ADAD1: variants seen among roughly 807,000 people sequenced by gnomAD.
ADAD1 encodes adenosine deaminase domain containing 1.
In ADAD1, 46 loss-of-function variants were observed where a neutral mutation model predicts 66.8. The ratio of observed to expected loss-of-function variants is 0.69; its 90% CI spans 0.54 to 0.88. The LOEUF (loss-of-function observed/expected upper bound fraction) is 0.88, where lower values mean the gene tolerates loss of function less well. Among genes scored for constraint, ADAD1 ranks in the 40% least tolerant of loss-of-function variants. ADAD1 has a pLI of 0.00. For missense variants in ADAD1, 617 were observed against 681.8 expected, an observed-to-expected ratio of 0.91 and a Z score of 1.06; for synonymous variants, 248 against 229.4, an observed-to-expected ratio of 1.08 and a Z score of -0.73.
At chr4:122,404,988 T>C (rs1198528555) in intron 7 of ADAD1, among the ~76,000 whole-genome samples, 1 of 152,212 alleles carries the variant, frequency 6.6e-6, no homozygotes, top group African/African-American at 2.4e-5. Flanking sequence ...CCCTGAAGCA[T>C]TGCAAGTTGA....
At chr4:122,395,763 C>T (rs929150496) in intron 6 of ADAD1, among the ~76,000 whole-genome samples, 1 of 152,136 alleles carries the variant, frequency 6.6e-6, no homozygotes, top group Non-Finnish European at 1.5e-5. Flanking sequence ...TCCTCCTCCT[C>T]TTTCAAAATT....
intron 3 of ADAD1, 185 bp downstream of exon 3, chr4:122,380,426 G>T (rs1233429648): frequency 6.0e-6 from 4 of 670,210 alleles, no homozygotes; most frequent in South Asian, 4.5e-5. Context: ...TACCTGTGCC[G>T]CTCGTTTAAC....
At chr4:122,395,192 A>G (rs1179025429) in intron 6 of ADAD1, among the ~76,000 whole-genome samples, 3 of 152,020 alleles carry the variant, frequency 2.0e-5, no homozygotes, top group African/African-American at 7.2e-5. Context: ...CTGGGATTAC[A>G]GGCACCCACC....
chr4:122,420,199 A>T (rs927244623), intron 11 of ADAD1, among the ~76,000 whole-genome samples: 2 of 152,232 alleles, frequency 1.3e-5, no homozygotes, highest in African/African-American at 4.8e-5. Flanking sequence ...TGTACACATG[A>T]GTGTATGTTA....
chr4:122,379,730 A>AT (rs899039191), intron 2 of ADAD1: 152 of 172,988 alleles, frequency 8.8e-4, no homozygotes, highest in South Asian at 2.1e-3. Context: ...CTACGAGCTG[A>AT]TTTTTTTTTC....
intron 5 of ADAD1, among the ~76,000 whole-genome samples, chr4:122,391,696 CTTTTTTGTTTGTTTG>C (rs908122034): frequency 6.6e-6 from 1 of 152,136 alleles, no homozygotes; most frequent in African/African-American, 2.4e-5. Context: ...TGGGACTTGT[CTTTTTTGTTTGTTTG>C]TTTTTTGTTT....
intron 8 of ADAD1, 23 bp downstream of exon 8, chr4:122,408,054 G>T (rs1406147083): frequency 1.7e-5 from 27 of 1,594,892 alleles, no homozygotes; most frequent in African/African-American, 2.7e-5. Flanking sequence ...ATATATTAAT[G>T]TTATTAAATA....
At chr4:122,399,603 T>C (rs1377541382) in intron 7 of ADAD1, among the ~76,000 whole-genome samples, 1 of 152,170 alleles carries the variant, frequency 6.6e-6, no homozygotes, top group African/African-American at 2.4e-5. Flanking sequence ...ATATTGATGC[T>C]ACCCATCTTT....
chr4:122,428,687 T>C (rs1026105677), intron 12 of ADAD1, among the ~76,000 whole-genome samples: 1 of 152,196 alleles, frequency 6.6e-6, no homozygotes, highest in Admixed American at 6.5e-5. Context: ...TATGAATTTT[T>C]TAGAAAAAGC....
At chr4:122,400,642 T>C (rs1459358484) in intron 7 of ADAD1, among the ~76,000 whole-genome samples, 2 of 152,132 alleles carry the variant, frequency 1.3e-5, no homozygotes, top group Non-Finnish European at 2.9e-5. Context: ...TGCGAACTTT[T>C]TTGTTGGGAT....
intron 10 of ADAD1, among the ~76,000 whole-genome samples, chr4:122,414,645 G>A (rs929433496): frequency 6.6e-6 from 1 of 152,086 alleles, no homozygotes; most frequent in African/African-American, 2.4e-5. Flanking sequence ...TGTGAAATAT[G>A]TCTAGTGGTT....
chr4:122,402,920 A>G (rs1796043541), intron 7 of ADAD1, among the ~76,000 whole-genome samples: 1 of 151,990 alleles, frequency 6.6e-6, no homozygotes, highest in Non-Finnish European at 1.5e-5. Flanking sequence ...AATTTCTTTA[A>G]GTTGGTTTTC....
chr4:122,408,277 G>A (rs1452184589), intron 8 of ADAD1, among the ~76,000 whole-genome samples: 1 of 152,038 alleles, frequency 6.6e-6, no homozygotes, highest in Non-Finnish European at 1.5e-5. Flanking sequence ...AGTTTTTGTT[G>A]TTTTGTTTTG....
intron 7 of ADAD1, among the ~76,000 whole-genome samples, chr4:122,403,850 G>T (rs539571264): frequency 6.6e-6 from 1 of 152,154 alleles, no homozygotes; most frequent in South Asian, 2.1e-4. Flanking sequence ...CTTGTGCTGT[G>T]GCCACGGTGG....
At position 122,396,386 on chromosome 4, in the gene ADAD1, A is replaced by G. The variant is rs1293052155; in HGVS notation, c.724+9A>G. 3 of 1,561,564 alleles carry G rather than the reference A, an allele frequency of 1.9e-6. No individual in the cohort carries two copies. The highest frequency in any genetic ancestry group is 2.0e-5 in the Admixed American group (1 of 49,238). ...TTTTATAATTGAAAGAGGTAAGTCC[A>G]CATATTTGGGAAAAACTAATATTGT... On this transcript the variant is annotated intron_variant, in intron 7 of 12. Transcript: ENST00000296513.
chr4:122,399,955 A>T (rs1254896658), intron 7 of ADAD1, among the ~76,000 whole-genome samples: 2 of 152,056 alleles, frequency 1.3e-5, no homozygotes, highest in Non-Finnish European at 2.9e-5. Context: ...GAACAGTGAC[A>T]GTTTGACTCC....
At chr4:122,420,492 ACT>A (rs1796952634) in intron 11 of ADAD1, among the ~76,000 whole-genome samples, 1 of 152,236 alleles carries the variant, frequency 6.6e-6, no homozygotes, top group Non-Finnish European at 1.5e-5. Context: ...GAATTATCAC[ACT>A]GTCTATTGTG....
At chr4:122,379,935 A>C in intron 2 of ADAD1, 127 bp from the exon 3 acceptor site, 1 of 889,024 alleles carries the variant, frequency 1.1e-6, no homozygotes, top group Non-Finnish European at 1.7e-6. Flanking sequence ...GAGGGATTTG[A>C]CTCTAGTCAT....
At chr4:122,417,860 G>A (rs6827839) in intron 11 of ADAD1, among the ~76,000 whole-genome samples, 68,968 of 151,946 alleles carry the variant, frequency 0.45, 16,395 homozygotes, top group Middle Eastern at 0.62. Flanking sequence ...AATACTAGGA[G>A]CTGATTTTAC....
Sources: gnomAD v4.1 joint callset for allele counts (sites outside exome capture counted in the v4.1 genomes callset) on GRCh38, gnomAD v4.1.1 for gene constraint, MANE v1.5 for transcripts, NCBI Gene and HGNC (gene_info 2026-07-23, HGNC 2026-07-21) for gene names.